The following PLCZ1 variants were observed in gnomAD, a reference collection of about 807,000 sequenced individuals.
The protein encoded by PLCZ1 is 1-phosphatidylinositol 4,5-bisphosphate phosphodiesterase zeta-1.
Under a neutral mutation model 76.8 loss-of-function variants are expected in PLCZ1, and 64 were observed. The observed-to-expected ratio is 0.83, with a 90% confidence interval of 0.68 to 1.03. The LOEUF (loss-of-function observed/expected upper bound fraction) is 1.03. Ranked by LOEUF, PLCZ1 falls within the 50% of genes least tolerant of loss-of-function variation. The pLI, the probability that PLCZ1 is intolerant of heterozygous loss-of-function variation, is 0.00. For missense variants in PLCZ1, 751 were observed against 713.7 expected (o/e 1.05, Z -0.60); for synonymous variants, 248 against 230.8 (o/e 1.07, Z -0.68).
chr12:18,713,827 TA>T (rs1262146857), intron 5 of PLCZ1: 1 of 152,178 alleles, frequency 6.6e-6, no homozygotes, highest in African/African-American at 2.4e-5. Flanking sequence ...TTTTTCTACC[TA>T]AAAAATAAAT....
In PLCZ1 at chr12:18,730,252, G is replaced by A. The variant is rs969025011; in HGVS notation, c.135+5969C>T. On this transcript the variant is annotated intron_variant, in intron 3 of 14. Coordinates refer to ENST00000266505, the MANE Select transcript of PLCZ1 (RefSeq NM_033123.4). ...GCATCCATAAAATGAGAAAAAATTA[G>A]CAACAAGAGTTGAAGCAAGTGAGTT... Among the ~76,000 whole-genome samples the A allele has an allele frequency of 1.3e-4, 18 of 134,310 alleles. No individual in the cohort carries two copies. In the East Asian group the frequency reaches 3.5e-3, roughly 26 times the overall value. 88.1% of individuals were successfully genotyped at this position (134,310 alleles called of 152,430 possible).
the PLCZ1 span, among the ~76,000 whole-genome samples, chr12:18,650,460 A>T: frequency 6.7e-6 from 1 of 149,676 alleles, no homozygotes; most frequent in East Asian, 2.0e-4. Flanking sequence ...CAAATTACTG[A>T]AAAAATGTAA....
At chr12:18,698,320 C>G (rs1435681232) in intron 10 of PLCZ1, among the ~76,000 whole-genome samples, 1 of 151,828 alleles carries the variant, frequency 6.6e-6, no homozygotes, top group Non-Finnish European at 1.5e-5. Context: ...CCATTCCATT[C>G]TACTCTATAC....
intron 4 of PLCZ1, among the ~76,000 whole-genome samples, chr12:18,721,996 C>T (rs1592262515): frequency 6.6e-6 from 1 of 152,052 alleles, no homozygotes; most frequent in Non-Finnish European, 1.5e-5. Context: ...ATCTCTCTCT[C>T]ATTCTCAAAG....
intron 3 of PLCZ1, among the ~76,000 whole-genome samples, chr12:18,735,044 G>A: frequency 6.6e-6 from 1 of 152,018 alleles, no homozygotes; most frequent in Non-Finnish European, 1.5e-5. Context: ...TGTTAATGTG[G>A]TGTATCACAT....
chr12:18,647,398 C>T, the PLCZ1 span, among the ~76,000 whole-genome samples: 1 of 151,228 alleles, frequency 6.6e-6, no homozygotes, highest in East Asian at 1.9e-4. Context: ...ACCACAGCAT[C>T]ATGCAATATA....
chr12:18,693,036 C>T (rs150062608), intron 12 of PLCZ1: 34,653 of 1,442,778 alleles, frequency 0.024, 579 homozygotes, highest in Middle Eastern at 0.036. Flanking sequence ...ACAAATGAAA[C>T]CATTAGAAGA....
At chr12:18,694,100 T>G (rs1954576124) in intron 12 of PLCZ1, 1 of 1,058,948 alleles carries the variant, frequency 9.4e-7, no homozygotes, top group Non-Finnish European at 1.4e-6. Context: ...GTATCTCTAG[T>G]GAACTACGGC....
chr12:18,695,093 G>C lies in PLCZ1; in HGVS notation c.1292-14C>G, dbSNP rs777899730. On this transcript the variant is annotated splice_polypyrimidine_tract_variant and intron_variant, in intron 11 of 14. Coordinates refer to ENST00000266505, the MANE Select transcript of PLCZ1 (RefSeq NM_033123.4). Reference sequence around the variant, plus strand: ...AATTTAAAGCCACTGTAAGAAAGAAGTATTTTGACATTGTCAGGTAATAGA... The same window carrying C: ...AATTTAAAGCCACTGTAAGAAAGAACTATTTTGACATTGTCAGGTAATAGA... 2 of 1,609,378 alleles carry C rather than the reference G, an allele frequency of 1.2e-6. No individual in the cohort carries two copies. The highest frequency in any genetic ancestry group is 2.2e-5 in the South Asian group (2 of 90,964).
At chr12:18,695,340 C>T (rs868016937) in intron 11 of PLCZ1, among the ~76,000 whole-genome samples, 101 of 152,210 alleles carry the variant, frequency 6.6e-4, no homozygotes, top group African/African-American at 2.3e-3. Context: ...GTATCCAGTA[C>T]AGATTACAGA....
At chr12:18,711,647 G>T (rs1957359390) in intron 6 of PLCZ1, among the ~76,000 whole-genome samples, 1 of 151,854 alleles carries the variant, frequency 6.6e-6, no homozygotes, top group Non-Finnish European at 1.5e-5. Flanking sequence ...AAAGGTCTTG[G>T]CTAGAGCACA....
chr12:18,683,482 T>A, intron 14 of PLCZ1, 158 bp from the exon 15 acceptor site: 1 of 1,479,812 alleles, frequency 6.8e-7, no homozygotes, highest in Non-Finnish European at 9.2e-7. Context: ...CCACAAAAAT[T>A]AAATATTTGC....
chr12:18,713,358 C>T (rs1957569265), intron 5 of PLCZ1, among the ~76,000 whole-genome samples: 1 of 152,070 alleles, frequency 6.6e-6, no homozygotes, highest in African/African-American at 2.4e-5. Flanking sequence ...CTGTTCAATG[C>T]CATACCATTC....
At chr12:18,693,584 T>A (rs1182615859) in intron 12 of PLCZ1, 1 of 1,590,504 alleles carries the variant, frequency 6.3e-7, no homozygotes, top group Admixed American at 1.7e-5. Context: ...CGGACGGGAA[T>A]TGTTTCGAGT....
chr12:18,652,254 C>T, the PLCZ1 span, among the ~76,000 whole-genome samples: 3 of 151,980 alleles, frequency 2.0e-5, no homozygotes, highest in African/African-American at 7.2e-5. Flanking sequence ...TCCCATATAC[C>T]AGTCACATAT....
the PLCZ1 span, among the ~76,000 whole-genome samples, chr12:18,654,693 T>C: frequency 6.6e-6 from 1 of 152,244 alleles, no homozygotes; most frequent in Admixed American, 6.5e-5. Flanking sequence ...TCCAGTTGAG[T>C]ACTTGGTCTG....
chr12:18,725,735 C>T (rs1316091884), intron 3 of PLCZ1, among the ~76,000 whole-genome samples: 1 of 152,112 alleles, frequency 6.6e-6, no homozygotes, highest in Non-Finnish European at 1.5e-5. Context: ...AGTACAGGTA[C>T]CAAACCATCT....
At chr12:18,659,908 G>A in the PLCZ1 span, among the ~76,000 whole-genome samples, 1 of 151,874 alleles carries the variant, frequency 6.6e-6, no homozygotes, top group Non-Finnish European at 1.5e-5. Context: ...GGAGTCCTTT[G>A]GACTGAAATA....
At chr12:18,733,489 G>C (rs1187887200) in intron 3 of PLCZ1, among the ~76,000 whole-genome samples, 3 of 151,922 alleles carry the variant, frequency 2.0e-5, no homozygotes, top group South Asian at 2.1e-4. Flanking sequence ...ACAAGTTTTT[G>C]TTACCTGTCT....
Sources: allele counts gnomAD v4.1 joint callset (sites outside exome capture counted in the v4.1 genomes callset), GRCh38; gene constraint gnomAD v4.1.1; transcripts MANE v1.5; gene names NCBI Gene and HGNC (gene_info 2026-07-23, HGNC 2026-07-21).